Variants in XRCC6 observed in about 807,000 individuals in gnomAD.
XRCC6 encodes DNA repair protein Ku70.
XRCC6 carries 5 observed loss-of-function variants against 65.7 expected under a neutral mutation model. The ratio of observed to expected loss-of-function variants is 0.08; its 90% CI spans 0.04 to 0.16. XRCC6 has a LOEUF of 0.16. Among genes scored for constraint, XRCC6 ranks in the 10% least tolerant of loss-of-function variants. The pLI is 1.00. For missense variants in XRCC6, 447 were observed against 738.1 expected, an observed-to-expected ratio of 0.61 and a Z score of 4.57; for synonymous variants, 270 against 270.6, an observed-to-expected ratio of 1.00 and a Z score of 0.02.
intron 2 of XRCC6, among the ~76,000 whole-genome samples, chr22:41,625,809 A>G (rs1235146564): frequency 1.3e-5 from 2 of 152,232 alleles, no homozygotes; most frequent in Non-Finnish European, 2.9e-5. Context: ...AGCCTGTGTG[A>G]GAGAACAAGA....
chr22:41,639,904 C>T (rs1197298154), intron 6 of XRCC6, among the ~76,000 whole-genome samples: 2 of 151,740 alleles, frequency 1.3e-5, no homozygotes, highest in Middle Eastern at 3.4e-3. Flanking sequence ...GTGATCCGCC[C>T]GCCTCGGCCT....
At chr22:41,645,300 TAAAAAAAAAAAACA>T (rs1569090586) in intron 6 of XRCC6, among the ~76,000 whole-genome samples, 1 of 136,888 alleles carries the variant, frequency 7.3e-6, no homozygotes, top group African/African-American at 2.7e-5. Flanking sequence ...ACTCCATCTT[TAAAAAAAAAAAACA>T]AAAAACAAAA....
At chr22:41,631,321 A>G (rs1292704434) in intron 3 of XRCC6, among the ~76,000 whole-genome samples, 3 of 148,926 alleles carry the variant, frequency 2.0e-5, no homozygotes, top group Non-Finnish European at 3.0e-5. Context: ...GAGGCTCCTC[A>G]CTTCCCAGAT....
At chr22:41,662,755 C>A (rs374520310) in intron 12 of XRCC6, among the ~76,000 whole-genome samples, 105 of 152,206 alleles carry the variant, frequency 6.9e-4, no homozygotes, top group Middle Eastern at 6.8e-3. Flanking sequence ...TCTCACCCTT[C>A]CAGGACTTAA....
At chr22:41,658,617 T>A (rs1204183101) in intron 11 of XRCC6, among the ~76,000 whole-genome samples, 2 of 152,102 alleles carry the variant, frequency 1.3e-5, no homozygotes, top group Non-Finnish European at 2.9e-5. Context: ...TGGTGAAATT[T>A]AAAAAATAAT....
intron 11 of XRCC6, 109 bp from the exon 12 acceptor site, chr22:41,661,222 C>T: frequency 3.4e-6 from 3 of 886,204 alleles, no homozygotes; most frequent in South Asian, 1.6e-5. Context: ...ACCCCTCCCA[C>T]CTTAGCAGTT....
chr22:41,641,308 C>T (rs886999485), intron 6 of XRCC6, among the ~76,000 whole-genome samples: 3 of 151,594 alleles, frequency 2.0e-5, no homozygotes, highest in Non-Finnish European at 2.9e-5. Context: ...TAAACTTACG[C>T]TTTTTAAAAA....
At chr22:41,657,148 T>A in intron 10 of XRCC6, 116 bp downstream of exon 10, 1 of 1,249,122 alleles carries the variant, frequency 8.0e-7, no homozygotes. Context: ...GACAGATTAC[T>A]ACTTGTTATT....
intron 11 of XRCC6, 114 bp from the exon 12 acceptor site, chr22:41,661,217 T>G (rs1420290443): frequency 2.4e-6 from 2 of 843,766 alleles, no homozygotes; most frequent in African/African-American, 3.4e-5. Flanking sequence ...CCTAGACCCC[T>G]CCCACCTTAG....
chr22:41,649,147 T>A (rs1435472473), intron 7 of XRCC6, among the ~76,000 whole-genome samples: 16 of 129,066 alleles, frequency 1.2e-4, no homozygotes, highest in Admixed American at 2.6e-4. Context: ...AAAATATATA[T>A]ATATATATAT....
intron 6 of XRCC6, among the ~76,000 whole-genome samples, chr22:41,643,966 CAG>C (rs1403184486): frequency 7.0e-6 from 1 of 142,140 alleles, no homozygotes; most frequent in East Asian, 2.0e-4. Flanking sequence ...CCCTAGGCGA[CAG>C]AGTGAGACTC....
chr22:41,627,713 A>C (rs2067694213), intron 2 of XRCC6, among the ~76,000 whole-genome samples: 1 of 151,952 alleles, frequency 6.6e-6, no homozygotes, highest in East Asian at 1.9e-4. Context: ...TCTCTACAGT[A>C]AACTTAAAAA....
intron 6 of XRCC6, 73 bp from the exon 7 acceptor site, chr22:41,646,823 G>A: frequency 8.1e-7 from 1 of 1,236,406 alleles, no homozygotes; most frequent in Non-Finnish European, 1.1e-6. Context: ...GTGAAGCTTT[G>A]GTGTTATGAG....
chr22:41,635,383 A>G (rs2067798479), intron 3 of XRCC6, among the ~76,000 whole-genome samples: 1 of 152,064 alleles, frequency 6.6e-6, no homozygotes. Flanking sequence ...GTGTATATAA[A>G]CTCTGTTTCC....
intron 11 of XRCC6, among the ~76,000 whole-genome samples, chr22:41,658,752 A>G (rs554588406): frequency 6.6e-6 from 1 of 152,178 alleles, no homozygotes; most frequent in South Asian, 2.1e-4. Context: ...TGTCTCTACT[A>G]AACTCTGTCT....
chr22:41,663,600 C>T lies in XRCC6; in HGVS notation c.1637-22C>T, dbSNP rs768906158. The T allele has an allele frequency of 6.3e-6, 10 of 1,596,584 alleles. No individual in the cohort carries two copies. The East Asian group carries it at 1.8e-4, about 29-fold the overall frequency. On this transcript the variant is annotated intron_variant, in intron 12 of 12. Transcript: ENST00000360079. ...CTTGTATGTAGCATTTCCAGTCACTCTCTCCTGACCTTTCCCCCCAGATAA... is the reference window on the plus strand; with the variant it reads ...CTTGTATGTAGCATTTCCAGTCACTTTCTCCTGACCTTTCCCCCCAGATAA...
chr22:41,621,767 C>T (rs1294640414), intron 1 of XRCC6: 4 of 504,046 alleles, frequency 7.9e-6, no homozygotes, highest in Non-Finnish European at 1.4e-5. Flanking sequence ...CGGGCCGCCG[C>T]CGGCCCTGAA....
At chr22:41,638,844 C>T (rs1357186864) in intron 6 of XRCC6, among the ~76,000 whole-genome samples, 7 of 150,616 alleles carry the variant, frequency 4.6e-5, no homozygotes, top group Admixed American at 2.0e-4. Flanking sequence ...AGGGCACTTA[C>T]CACGAATGGA....
chr22:41,655,421 T>G (rs1462438898), intron 9 of XRCC6, among the ~76,000 whole-genome samples: 1 of 152,008 alleles, frequency 6.6e-6, no homozygotes, highest in Non-Finnish European at 1.5e-5. Flanking sequence ...GAAATTCATC[T>G]TAGTGGCCAG....
Sources: gnomAD v4.1 joint callset for allele counts (sites outside exome capture counted in the v4.1 genomes callset) on GRCh38, gnomAD v4.1.1 for gene constraint, MANE v1.5 for transcripts, NCBI Gene and HGNC (gene_info 2026-07-23, HGNC 2026-07-21) for gene names.